UMAD1: variants seen among roughly 807,000 people sequenced by gnomAD.
UMAD1 encodes UBAP1-MVB12-associated (UMA)-domain containing protein 1.
In UMAD1, 8 loss-of-function variants were observed where a neutral mutation model predicts 6.1. That is an observed-to-expected ratio of 1.30 (90% CI 0.76 to 2.35). The LOEUF (loss-of-function observed/expected upper bound fraction) is 2.35, where lower values mean the gene tolerates loss of function less well. Among genes scored for constraint, UMAD1 ranks in the 30% most tolerant of loss-of-function variants. The pLI is 0.00. For missense variants in UMAD1, 130 were observed against 78.4 expected, an observed-to-expected ratio of 1.66 and a Z score of -2.49; for synonymous variants, 56 against 31.4, an observed-to-expected ratio of 1.78 and a Z score of -2.61.
chr7:7,857,784 T>C (rs1442333108), intron 3 of UMAD1, among the ~76,000 whole-genome samples: 1 of 152,222 alleles, frequency 6.6e-6, no homozygotes, highest in East Asian at 1.9e-4. Flanking sequence ...GCCAACAATG[T>C]TTTTCCCCCT....
At chr7:7,731,188 G>C (rs961398083) in intron 2 of UMAD1, among the ~76,000 whole-genome samples, 2 of 151,976 alleles carry the variant, frequency 1.3e-5, no homozygotes, top group African/African-American at 2.4e-5. Flanking sequence ...CAGTAGAGAG[G>C]GGGGGGTTCC....
At chr7:7,793,441 A>G (rs780211271) in intron 2 of UMAD1, among the ~76,000 whole-genome samples, 3 of 152,204 alleles carry the variant, frequency 2.0e-5, no homozygotes, top group Non-Finnish European at 4.4e-5. Flanking sequence ...GTGAATGACT[A>G]ATAGGCAAAC....
chr7:7,762,873 G>C (rs1299527001), intron 2 of UMAD1, among the ~76,000 whole-genome samples: 1 of 152,080 alleles, frequency 6.6e-6, no homozygotes, highest in African/African-American at 2.4e-5. Flanking sequence ...AAGATTTAAT[G>C]GATTTAATTT....
chr7:7,711,088 G>T (rs553891136), intron 2 of UMAD1, among the ~76,000 whole-genome samples: 1 of 152,266 alleles, frequency 6.6e-6, no homozygotes, highest in South Asian at 2.1e-4. Flanking sequence ...ATAACACTGG[G>T]GATTCTGGTG....
At chr7:7,867,964 T>C (rs1389879289) in intron 3 of UMAD1, among the ~76,000 whole-genome samples, 1 of 151,854 alleles carries the variant, frequency 6.6e-6, no homozygotes, top group African/African-American at 2.4e-5. Context: ...GTAGAGCAGA[T>C]AGAGGAGATC....
At chr7:7,860,644 G>A (rs961034537) in intron 3 of UMAD1, among the ~76,000 whole-genome samples, 3 of 149,192 alleles carry the variant, frequency 2.0e-5, no homozygotes, top group Non-Finnish European at 3.0e-5. Context: ...GCATGGTGGC[G>A]GGCACCTGTA....
At chr7:7,764,349 A>C (rs1481992481) in intron 2 of UMAD1, among the ~76,000 whole-genome samples, 1 of 152,226 alleles carries the variant, frequency 6.6e-6, no homozygotes, top group Non-Finnish European at 1.5e-5. Flanking sequence ...AGTTCTTAGA[A>C]TAGGGGAGAA....
chr7:7,846,393 T>C (rs1234367918), intron 3 of UMAD1, among the ~76,000 whole-genome samples: 1 of 152,188 alleles, frequency 6.6e-6, no homozygotes, highest in Admixed American at 6.6e-5. Context: ...AGTGACATCT[T>C]ATTTTCCATA....
chr7:7,777,421 G>A (rs1356908966), intron 2 of UMAD1, among the ~76,000 whole-genome samples: 2 of 149,520 alleles, frequency 1.3e-5, no homozygotes, highest in South Asian at 2.1e-4. Context: ...CAGGAGAATC[G>A]CCTGAACCCG....
intron 3 of UMAD1, among the ~76,000 whole-genome samples, chr7:7,815,683 C>T (rs887535368): frequency 5.3e-5 from 8 of 152,002 alleles, no homozygotes; most frequent in African/African-American, 1.9e-4. Context: ...AGAAACTTTT[C>T]AAAAAATCTC....
chr7:7,796,292 C>T (rs1265504436), intron 2 of UMAD1, among the ~76,000 whole-genome samples: 2 of 110,332 alleles, frequency 1.8e-5, no homozygotes, highest in African/African-American at 4.6e-5. Flanking sequence ...GCTCTTCTTG[C>T]CCAGGCTGGA....
At chr7:7,758,565 G>A (rs66778150) in intron 2 of UMAD1, among the ~76,000 whole-genome samples, 1 of 152,018 alleles carries the variant, frequency 6.6e-6, no homozygotes, top group African/African-American at 2.4e-5. Context: ...CTCCATTGAA[G>A]AAGCCATTCA....
rs1563107945 is a variant in UMAD1 at position 7,673,328 on chromosome 7, CAG to C, written c.-43_-42del. The stretch of plus-strand genomic sequence containing the variant: ...TTTCAGGTAGCAGCAGCAGCAGCAG[CAG>C]CAGCAGCAGCAGCAGCAGCAGCAGC... On this transcript the variant is annotated 5_prime_UTR_variant, in exon 2 of 4. Transcript: ENST00000682710. The C allele has an allele frequency of 1.7e-6, 2 of 1,160,286 alleles. No homozygotes were observed. Among genetic ancestry groups the C allele is most frequent in the Non-Finnish European group, 2.5e-6 (2 of 815,472 alleles). 71.9% of individuals were successfully genotyped at this position (1,160,286 alleles called of 1,614,324 possible).
chr7:7,661,106 G>A (rs1785464219), intron 1 of UMAD1, among the ~76,000 whole-genome samples: 2 of 151,500 alleles, frequency 1.3e-5, no homozygotes, highest in Non-Finnish European at 2.9e-5. Flanking sequence ...TGATTGATTC[G>A]GCTATTGATA....
chr7:7,673,804 A>C (rs895750559), intron 2 of UMAD1, among the ~76,000 whole-genome samples: 3 of 152,142 alleles, frequency 2.0e-5, no homozygotes, highest in Non-Finnish European at 4.4e-5. Flanking sequence ...TTGTTTCATA[A>C]ATTAGCATCT....
At chr7:7,858,774 A>G (rs1183282470) in intron 3 of UMAD1, among the ~76,000 whole-genome samples, 4 of 152,172 alleles carry the variant, frequency 2.6e-5, no homozygotes, top group Non-Finnish European at 4.4e-5. Flanking sequence ...TCTGACAGTT[A>G]GCAGACGGAT....
At chr7:7,674,703 A>G (rs1413751212) in intron 2 of UMAD1, among the ~76,000 whole-genome samples, 1 of 152,152 alleles carries the variant, frequency 6.6e-6, no homozygotes, top group African/African-American at 2.4e-5. Context: ...TGTGTCAGGA[A>G]TTTATGCCTT....
intron 2 of UMAD1, among the ~76,000 whole-genome samples, chr7:7,770,826 C>T (rs1455000227): frequency 1.3e-5 from 2 of 152,116 alleles, no homozygotes; most frequent in African/African-American, 2.4e-5. Flanking sequence ...TTGAGGTGAA[C>T]TGCTCTTGGA....
intron 2 of UMAD1, among the ~76,000 whole-genome samples, chr7:7,732,656 A>G (rs1375072369): frequency 1.3e-5 from 2 of 152,230 alleles, no homozygotes; most frequent in African/African-American, 4.8e-5. Context: ...GAGTGATTTC[A>G]TAAATTGCAT....
Sources: gnomAD v4.1 joint callset for allele counts (sites outside exome capture counted in the v4.1 genomes callset) on GRCh38, gnomAD v4.1.1 for gene constraint, MANE v1.5 for transcripts, NCBI Gene and HGNC (gene_info 2026-07-23, HGNC 2026-07-21) for gene names.